The following GALNT9 variants were observed in gnomAD, a reference collection of about 807,000 sequenced individuals.
GALNT9 encodes the protein GalNAc transferase 9.
GALNT9 carries 47 observed loss-of-function variants against 63.1 expected under a neutral mutation model. The observed-to-expected ratio is 0.75, with a 90% confidence interval of 0.59 to 0.95. GALNT9 has a LOEUF of 0.95. Ranked by LOEUF, GALNT9 falls within the 40% of genes least tolerant of loss-of-function variation. The pLI, the probability that GALNT9 is intolerant of heterozygous loss-of-function variation, is 0.00. For synonymous variants in GALNT9, 396 were observed against 365.7 expected (o/e 1.08, Z -0.94); for missense variants, 829 against 874.8 (o/e 0.95, Z 0.66).
chr12:132,258,008 C>A (rs1036941614), intron 4 of GALNT9, 122 bp from the exon 5 acceptor site: 4 of 688,988 alleles, frequency 5.8e-6, no homozygotes, highest in East Asian at 5.5e-5. Flanking sequence ...CCTGCCACCC[C>A]CTGCTGAGCT....
intron 4 of GALNT9, among the ~76,000 whole-genome samples, 169 bp from the exon 5 acceptor site, chr12:132,258,055 C>G (rs1433386908): frequency 6.6e-6 from 1 of 152,204 alleles, no homozygotes. Flanking sequence ...AAGGGCCCCT[C>G]TCAGCAGCAG....
intron 4 of GALNT9, among the ~76,000 whole-genome samples, chr12:132,259,470 G>A (rs192838624): frequency 7.9e-5 from 12 of 152,342 alleles, no homozygotes; most frequent in East Asian, 3.9e-4. Context: ...AAAGGAAAGC[G>A]CCCTGCGGAG....
intron 6 of GALNT9, among the ~76,000 whole-genome samples, chr12:132,226,521 CCA>C (rs1450400796): frequency 1.3e-5 from 2 of 149,810 alleles, no homozygotes; most frequent in African/African-American, 2.5e-5. Context: ...TATACACACC[CCA>C]CACACATACA....
chr12:132,201,318 C>A, intron 7 of GALNT9, 57 bp from the exon 8 acceptor site: 1 of 1,279,908 alleles, frequency 7.8e-7, no homozygotes. Flanking sequence ...CCTGGGTCTT[C>A]CCCATAATGA....
At chr12:132,307,011 C>G (rs28602498) in intron 1 of GALNT9, among the ~76,000 whole-genome samples, 121,277 of 151,842 alleles carry the variant, frequency 0.8, 48,594 homozygotes, top group East Asian at 1. Flanking sequence ...GAGTAGATGG[C>G]CAGGTGGGGG....
chr12:132,228,026 T>C (rs1877760735), intron 6 of GALNT9, among the ~76,000 whole-genome samples: 1 of 152,094 alleles, frequency 6.6e-6, no homozygotes, highest in Admixed American at 6.5e-5. Flanking sequence ...AGCTACAGCC[T>C]GCTCTGTGGT....
intron 1 of GALNT9, among the ~76,000 whole-genome samples, chr12:132,313,520 ACT>A (rs1881895178): frequency 3.2e-5 from 2 of 62,460 alleles, no homozygotes; most frequent in African/African-American, 6.8e-5. Flanking sequence ...CCACCCATCC[ACT>A]TACCCACCCA....
chr12:132,277,314 A>G (rs1429362620), intron 2 of GALNT9: 1 of 154,900 alleles, frequency 6.5e-6, no homozygotes, highest in Non-Finnish European at 1.5e-5. Context: ...AGGGGATGGA[A>G]GACTCCCACA....
chr12:132,256,612 A>G (rs1300043142), intron 5 of GALNT9, among the ~76,000 whole-genome samples: 1 of 68,288 alleles, frequency 1.5e-5, no homozygotes, highest in Non-Finnish European at 2.8e-5. Flanking sequence ...GTGGAGGGGG[A>G]ACACTGGAGG....
At chr12:132,240,422 G>A (rs548025394) in intron 6 of GALNT9, 2 of 356,510 alleles carry the variant, frequency 5.6e-6, no homozygotes, top group East Asian at 7.5e-5. Context: ...GCCTCCACTT[G>A]TTCAGCGCAG....
At chr12:132,203,026 G>C (rs1679578996) in intron 7 of GALNT9, among the ~76,000 whole-genome samples, 1 of 152,316 alleles carries the variant, frequency 6.6e-6, no homozygotes, top group East Asian at 1.9e-4. Flanking sequence ...CAGCCATGGT[G>C]GGGGTGACCT....
intron 1 of GALNT9, among the ~76,000 whole-genome samples, chr12:132,320,674 C>T (rs1261054315): frequency 1.6e-4 from 5 of 31,646 alleles, no homozygotes; most frequent in East Asian, 2.6e-3. Context: ...GAAGCTCCCT[C>T]GGCATGATCT....
Position 132,310,683 on chromosome 12 carries a change from A to G in GALNT9, c.238+18283T>C, listed in dbSNP as rs1555245085. On this transcript the variant is annotated intron_variant, in intron 1 of 10. Transcript: ENST00000328957. This position sits in a 1 kb window ranked among gnomAD's most constrained non-coding sequence, Gnocchi z 4.8. ...TCCATCTGTTACAGTGACTGAAGCC[A>G]ATATTCTGAGAGAGGAAACAGCACA... is the stretch of plus-strand genomic sequence containing the variant. 6.6e-6 allele frequency among the ~76,000 whole-genome samples: 1 copy of G among 152,162 alleles called. No homozygotes were observed. The highest frequency in any genetic ancestry group is 1.9e-4 in the East Asian group (1 of 5,196).
Position 132,221,238 on chromosome 12 carries a change from AG to A in GALNT9, c.1078-17549del, listed in dbSNP as rs201821477. On this transcript the variant is annotated intron_variant, in intron 6 of 10. Coordinates refer to ENST00000328957, the MANE Select transcript of GALNT9 (RefSeq NM_001122636.2). The stretch of plus-strand genomic sequence containing the variant: ...TGTGGTGGTGGGCACCTGTAATCCC[AG>A]GTACTCGGGAGGCTGAGGCAGCAGC... Among the ~76,000 whole-genome samples the A allele has an allele frequency of 8.8e-3, 1,246 of 142,088 alleles. 42 individuals carry two copies. The highest frequency in any genetic ancestry group is 0.066 in the Admixed American group (902 of 13,740). The allele number at this position is 142,088 out of a possible 152,430, so 93.2% of individuals were successfully genotyped here.
intron 7 of GALNT9, 114 bp downstream of exon 7, chr12:132,203,391 C>T (rs1876342491): frequency 1.1e-6 from 1 of 883,610 alleles, no homozygotes; most frequent in Non-Finnish European, 1.7e-6. Flanking sequence ...CCTGTCAACA[C>T]ACCCACTCAC....
intron 2 of GALNT9, among the ~76,000 whole-genome samples, chr12:132,266,108 G>C (rs1318147605): frequency 8.8e-5 from 13 of 147,724 alleles, no homozygotes; most frequent in Non-Finnish European, 1.3e-4. Context: ...CGTATTTCAT[G>C]AACAGGCACG....
chr12:132,198,140 G>T (rs575861918), intron 9 of GALNT9, among the ~76,000 whole-genome samples, 181 bp from the exon 10 acceptor site: 1 of 152,370 alleles, frequency 6.6e-6, no homozygotes, highest in East Asian at 1.9e-4. Context: ...CCCACGTGGG[G>T]ATGCGGGCTG....
At position 132,245,691 on chromosome 12, in the gene GALNT9, C is replaced by T. The variant is rs1448939117; in HGVS notation, c.1077+2219G>A. 6.6e-6 allele frequency among the ~76,000 whole-genome samples: 1 copy of T among 152,238 alleles called. No individual in the cohort carries two copies. ...CTGACCCTCGCCCACCACACAGGTT[C>T]GCTGTCGTCCCGGCTTTGCTCTGAG... On this transcript the variant is annotated intron_variant, in intron 6 of 10. Coordinates refer to ENST00000328957, the MANE Select transcript of GALNT9 (RefSeq NM_001122636.2). This position sits in a 1 kb window ranked among gnomAD's most constrained non-coding sequence, Gnocchi z 6.3.
rs1018166539 is a variant in GALNT9, at chr12:132,246,042, T to G, written c.1077+1868A>C. 2.3e-4 allele frequency among the ~76,000 whole-genome samples: 35 copies of G among 152,214 alleles called. 1 individual carries two copies. Among genetic ancestry groups the G allele is most frequent in the Non-Finnish European group, 2.8e-4 (19 of 68,024 alleles). On this transcript the variant is annotated intron_variant, in intron 6 of 10. Transcript: ENST00000328957. This position sits in a 1 kb window ranked among gnomAD's most constrained non-coding sequence, Gnocchi z 4.7. ...CATCCCTCTGAGGGCCTCGGCTTTC[T>G]TAGGCCCCTGACTGCTGGCCTGGTC...
Sources: gnomAD v4.1 joint callset for allele counts (sites outside exome capture counted in the v4.1 genomes callset) on GRCh38, gnomAD v4.1.1 for gene constraint, Gnocchi (gnomAD v3.1) non-coding constraint, MANE v1.5 for transcripts, NCBI Gene and HGNC (gene_info 2026-07-23, HGNC 2026-07-21) for gene names.